Variants in APLP2 observed in about 807,000 individuals in gnomAD.
APLP2 encodes CDEI box-binding protein.
A neutral mutation model predicts 89.9 loss-of-function variants in APLP2; 53 were observed. That is an observed-to-expected ratio of 0.59 (90% confidence interval 0.47 to 0.74). APLP2 has a LOEUF of 0.74. Among genes scored for constraint, APLP2 ranks in the 30% least tolerant of loss-of-function variants. The probability of loss-of-function intolerance (pLI) is 0.00; values close to 1 mark genes in which losing one functional copy is unlikely to be tolerated. For missense variants in APLP2, 973 were observed against 975.9 expected (o/e 1.00, Z 0.04); for synonymous variants, 372 against 348.6 (o/e 1.07, Z -0.75).
chr11:130,086,443 T>A lies in APLP2; in HGVS notation c.105+16361T>A, dbSNP rs543387122. Among the ~76,000 whole-genome samples the A allele has an allele frequency of 3.9e-5, 6 of 152,364 alleles. No homozygotes were observed. The South Asian group carries it at 1.0e-3, about 26-fold the overall frequency. On this transcript the variant is annotated intron_variant, in intron 1 of 16. Transcript: ENST00000338167. ...GGATGTTAATTAGATATGTGATTTG[T>A]AGATATTTTCTGTCATTCTGCAGTT...
intron 1 of APLP2, among the ~76,000 whole-genome samples, chr11:130,089,893 C>T (rs1249506439): frequency 1.3e-5 from 2 of 152,182 alleles, no homozygotes; most frequent in African/African-American, 4.8e-5. Flanking sequence ...TAAGGGCCCA[C>T]CCTGCTCCAG....
At chr11:130,092,098 A>G (rs1945394648) in intron 1 of APLP2, among the ~76,000 whole-genome samples, 1 of 123,806 alleles carries the variant, frequency 8.1e-6, no homozygotes, top group Non-Finnish European at 1.6e-5. Context: ...GGCGGGGCAG[A>G]GGCGCTCCCC....
At chr11:130,115,666 A>G (rs753497269) in intron 3 of APLP2, among the ~76,000 whole-genome samples, 3 of 152,262 alleles carry the variant, frequency 2.0e-5, no homozygotes, top group Non-Finnish European at 4.4e-5. Flanking sequence ...AAAATTGAGG[A>G]TGTTACCAGC....
At chr11:130,072,585 T>G (rs1941327614) in intron 1 of APLP2, among the ~76,000 whole-genome samples, 1 of 150,726 alleles carries the variant, frequency 6.6e-6, no homozygotes, top group African/African-American at 2.4e-5. Context: ...CAAGCGATTC[T>G]CCTGCCTCAG....
rs150136995 is a variant in APLP2, at chr11:130,122,419, C to T, written c.828C>T (p.Asp276=). 205 of 1,614,044 alleles carry T rather than the reference C, an allele frequency of 1.3e-4. 3 individuals carry two copies. Among genetic ancestry groups the T allele is most frequent in the Admixed American group, 1.7e-5 (1 of 59,998 alleles). ...TGGAGGACCGAGATTACTACTATGA[C>T]ACCTTCAAAGGAGATGACTACAATG... ...EVVEDRDYYY[D]TFKGDDYNEE... Residue 276 remains aspartate, a synonymous_variant, in exon 6 of 17, where the codon GAC becomes GAT. Transcript: ENST00000338167.
At chr11:130,125,894 A>G (rs1000030702) in intron 7 of APLP2, among the ~76,000 whole-genome samples, 2 of 152,190 alleles carry the variant, frequency 1.3e-5, no homozygotes, top group Non-Finnish European at 2.9e-5. Context: ...GCTAAATTCC[A>G]TCGTGCAGAG....
At chr11:130,083,453 A>G (rs1024202102) in intron 1 of APLP2, among the ~76,000 whole-genome samples, 4 of 152,220 alleles carry the variant, frequency 2.6e-5, no homozygotes, top group African/African-American at 9.7e-5. Flanking sequence ...GAACTTATGC[A>G]TCTTGCAAAA....
intron 8 of APLP2, among the ~76,000 whole-genome samples, chr11:130,127,301 A>G (rs1164476077): frequency 1.3e-5 from 2 of 152,162 alleles, no homozygotes; most frequent in African/African-American, 4.8e-5. Flanking sequence ...AAGGGTTATA[A>G]GAGAGCAGCA....
chr11:130,070,369 C>T (rs1023547939), intron 1 of APLP2, among the ~76,000 whole-genome samples: 6 of 151,414 alleles, frequency 4.0e-5, no homozygotes, highest in African/African-American at 1.4e-4. Context: ...GCCCGCGGCG[C>T]CGCCACCTCC....
At chr11:130,129,971 T>A in intron 10 of APLP2, 67 bp from the exon 11 acceptor site, 1 of 1,561,414 alleles carries the variant, frequency 6.4e-7, no homozygotes, top group Non-Finnish European at 8.8e-7. Flanking sequence ...CTTTTTAAGC[T>A]TTTGTTTTCC....
chr11:130,089,506 C>T (rs1024391582), intron 1 of APLP2, among the ~76,000 whole-genome samples: 1 of 152,222 alleles, frequency 6.6e-6, no homozygotes, highest in Non-Finnish European at 1.5e-5. Context: ...ACAGCGTGCA[C>T]CTTACATTGT....
At chr11:130,097,536 ATGTT>A (rs1409920302) in intron 1 of APLP2, among the ~76,000 whole-genome samples, 1 of 152,118 alleles carries the variant, frequency 6.6e-6, no homozygotes, top group African/African-American at 2.4e-5. Context: ...TCTGCAAAAA[ATGTT>A]TGTTTAATTA....
intron 9 of APLP2, among the ~76,000 whole-genome samples, 178 bp from the exon 10 acceptor site, chr11:130,128,870 A>G (rs1467153475): frequency 6.6e-6 from 1 of 152,206 alleles, no homozygotes; most frequent in African/African-American, 2.4e-5. Context: ...AATTCTCCTG[A>G]TAGAAGTAGA....
intron 1 of APLP2, among the ~76,000 whole-genome samples, chr11:130,085,451 CA>C (rs34343827): frequency 0.32 from 46,938 of 146,694 alleles, 12,486 homozygotes; most frequent in African/African-American, 0.73. Flanking sequence ...GACTCCATCT[CA>C]AAAAAAAAAC....
chr11:130,117,564 C>T (rs1949339732), intron 3 of APLP2, among the ~76,000 whole-genome samples: 1 of 152,076 alleles, frequency 6.6e-6, no homozygotes, highest in South Asian at 2.1e-4. Flanking sequence ...GCCACCATGC[C>T]TGGCTAATTT....
intron 3 of APLP2, among the ~76,000 whole-genome samples, chr11:130,116,997 G>A (rs1157975957): frequency 6.6e-6 from 1 of 152,012 alleles, no homozygotes; most frequent in Non-Finnish European, 1.5e-5. Flanking sequence ...TGGGTGTGGT[G>A]GCGAACGCCT....
rs551938662 is a variant in APLP2, at chr11:130,135,061, T to A, written c.1685-502T>A. 3.9e-5 allele frequency among the ~76,000 whole-genome samples: 6 copies of A among 152,146 alleles called. No homozygotes were observed. In the South Asian group the frequency reaches 1.2e-3, roughly 32 times the overall value. ...AAAACTGGCGTCGGGGAGAAGTAGG[T>A]CAGAGGGTATGAAGTGGTAGTTGTA... On this transcript the variant is annotated intron_variant, in intron 12 of 16. Coordinates refer to ENST00000338167, the MANE Select transcript of APLP2 (RefSeq NM_001142276.2).
chr11:130,140,909 CT>C lies in APLP2; in HGVS notation c.1923+441del, dbSNP rs5795689. 802 of 136,594 alleles carry C rather than the reference CT, an allele frequency of 5.9e-3. 2 individuals carry two copies. Among genetic ancestry groups the C allele is most frequent in the African/African-American group, 0.011 (413 of 36,488 alleles). 8.5% of individuals were successfully genotyped at this position (136,594 alleles called of 1,614,324 possible). On this transcript the variant is annotated intron_variant, in intron 14 of 16. Coordinates refer to ENST00000338167, the MANE Select transcript of APLP2 (RefSeq NM_001142276.2). ...AACTGAGTTTGATATTTCAATGTGG[CT>C]TTTTTTTTTTTTTTGAAATGGAGTC...
At chr11:130,115,074 A>G (rs1371586116) in intron 3 of APLP2, among the ~76,000 whole-genome samples, 2 of 152,312 alleles carry the variant, frequency 1.3e-5, no homozygotes, top group African/African-American at 4.8e-5. Context: ...TCCCTGAAAC[A>G]TACCTGGGGT....
Sources: gnomAD v4.1 joint callset for allele counts (sites outside exome capture counted in the v4.1 genomes callset) on GRCh38, gnomAD v4.1.1 for gene constraint, MANE v1.5 for transcripts, NCBI Gene and HGNC (gene_info 2026-07-23, HGNC 2026-07-21) for gene names.